The following NTRK3 variants were observed in gnomAD, a reference collection of about 807,000 sequenced individuals.
The protein encoded by NTRK3 is NT-3 growth factor receptor.
NTRK3 carries 24 observed loss-of-function variants against 91.7 expected under a neutral mutation model. The ratio of observed to expected loss-of-function variants is 0.26; its 90% CI spans 0.19 to 0.37. The LOEUF is 0.37. NTRK3 is among the 10% of genes least tolerant of loss of function. NTRK3 has a pLI of 1.00. For missense variants in NTRK3, 880 were observed against 1,068.9 expected, an observed-to-expected ratio of 0.82 and a Z score of 2.46; for synonymous variants, 483 against 404.0, an observed-to-expected ratio of 1.20 and a Z score of -2.34.
At chr15:88,021,678 C>A (rs2077605068) in intron 14 of NTRK3, among the ~76,000 whole-genome samples, 1 of 152,052 alleles carries the variant, frequency 6.6e-6, no homozygotes, top group South Asian at 2.1e-4. Context: ...GATGGAAGAG[C>A]AGTTGTACTC....
At chr15:88,150,710 T>C (rs1333893018) in intron 5 of NTRK3, among the ~76,000 whole-genome samples, 2 of 152,076 alleles carry the variant, frequency 1.3e-5, no homozygotes, top group Non-Finnish European at 2.9e-5. Flanking sequence ...CTGTACACAA[T>C]GCCCTGCCAG....
intron 13 of NTRK3, among the ~76,000 whole-genome samples, chr15:88,064,159 G>T (rs955745484): frequency 6.6e-6 from 1 of 152,122 alleles, no homozygotes; most frequent in African/African-American, 2.4e-5. Context: ...GAAATGTCTG[G>T]GCCACTGGAA....
At chr15:87,981,413 T>G in intron 14 of NTRK3, 5 of 1,612,854 alleles carry the variant, frequency 3.1e-6, no homozygotes, top group Non-Finnish European at 4.2e-6. Flanking sequence ...AAACCCCAAG[T>G]GCAAAAAACA....
intron 13 of NTRK3, among the ~76,000 whole-genome samples, chr15:88,121,266 G>C (rs2052673984): frequency 1.3e-5 from 2 of 152,170 alleles, no homozygotes; most frequent in Admixed American, 1.3e-4. Context: ...CCTGGTTATT[G>C]TTCTAATGAC....
intron 13 of NTRK3, among the ~76,000 whole-genome samples, chr15:88,089,459 C>A (rs2048809785): frequency 6.6e-6 from 1 of 152,126 alleles, no homozygotes; most frequent in Admixed American, 6.5e-5. Context: ...TCTAACATGG[C>A]AGATTAATTA....
intron 13 of NTRK3, among the ~76,000 whole-genome samples, chr15:88,116,073 T>C (rs1378008107): frequency 6.6e-6 from 1 of 152,168 alleles, no homozygotes; most frequent in Admixed American, 6.5e-5. Context: ...CCTGCTAGCC[T>C]CTCTGAGCTT....
chr15:88,184,728 CT>C (rs1227206964), intron 3 of NTRK3, among the ~76,000 whole-genome samples: 2 of 152,226 alleles, frequency 1.3e-5, no homozygotes, highest in African/African-American at 4.8e-5. Context: ...AATGACATGG[CT>C]TTAAAAAAGG....
intron 5 of NTRK3, among the ~76,000 whole-genome samples, chr15:88,182,912 CATTACACA>C (rs2046615751): frequency 6.6e-6 from 1 of 152,170 alleles, no homozygotes; most frequent in Non-Finnish European, 1.5e-5. Flanking sequence ...AGCTGTGTGA[CATTACACA>C]GGTGTTTCCA....
At chr15:88,094,439 G>A (rs888398032) in intron 13 of NTRK3, among the ~76,000 whole-genome samples, 4 of 131,354 alleles carry the variant, frequency 3.0e-5, no homozygotes, top group Middle Eastern at 5.4e-3. Context: ...ACTGCAGTCC[G>A]CAGTCCCGAC....
Position 88,254,824 on chromosome 15 carries a change from G to A in NTRK3, c.248+1082C>T, listed in dbSNP as rs747214661. Among the ~76,000 whole-genome samples the A allele has an allele frequency of 7.5e-4, 114 of 152,202 alleles. 1 individual carries two copies. The highest frequency in any genetic ancestry group is 5.4e-3 in the Admixed American group (83 of 15,288). On this transcript the variant is annotated intron_variant, in intron 3 of 18. Transcript: ENST00000394480. The stretch of plus-strand genomic sequence containing the variant: ...GGCTGGAAGCCTTGGGGGAAAAGAG[G>A]TGAGAATTATCCTCTGAGCAATTCC...
intron 13 of NTRK3, among the ~76,000 whole-genome samples, chr15:88,063,627 T>G (rs992415592): frequency 3.3e-5 from 5 of 152,166 alleles, no homozygotes; most frequent in African/African-American, 1.2e-4. Flanking sequence ...AGTGAGTGTG[T>G]CCATCACATC....
chr15:88,167,798 G>T (rs1017556695), intron 5 of NTRK3, among the ~76,000 whole-genome samples: 8 of 152,052 alleles, frequency 5.3e-5, no homozygotes, highest in African/African-American at 1.9e-4. Context: ...GTACCTGCAG[G>T]CTCTGGGCAC....
At chr15:88,163,128 C>T (rs920576881) in intron 5 of NTRK3, among the ~76,000 whole-genome samples, 2 of 152,156 alleles carry the variant, frequency 1.3e-5, no homozygotes, top group Admixed American at 1.3e-4. Context: ...CGGGTAGGTG[C>T]CCCTCCTCCA....
intron 14 of NTRK3, among the ~76,000 whole-genome samples, chr15:87,962,795 C>T (rs903844797): frequency 2.0e-5 from 3 of 152,188 alleles, no homozygotes; most frequent in Non-Finnish European, 4.4e-5. Flanking sequence ...GTACTACCTC[C>T]CAACCCTCAC....
At chr15:88,158,889 T>C (rs555559982) in intron 5 of NTRK3, among the ~76,000 whole-genome samples, 5 of 151,710 alleles carry the variant, frequency 3.3e-5, no homozygotes, top group African/African-American at 4.8e-5. Context: ...AGAGCTGTCA[T>C]GACAAGAGAA....
chr15:88,047,205 T>A (rs948384432), intron 13 of NTRK3, among the ~76,000 whole-genome samples: 4 of 152,354 alleles, frequency 2.6e-5, no homozygotes, highest in African/African-American at 9.6e-5. Context: ...AGCACGTGGC[T>A]GCTCATTGAA....
At chr15:88,173,065 G>A (rs1429686725) in intron 5 of NTRK3, among the ~76,000 whole-genome samples, 2 of 152,084 alleles carry the variant, frequency 1.3e-5, no homozygotes, top group African/African-American at 4.8e-5. Context: ...CACATTTGGG[G>A]TTCAATAACA....
chr15:88,055,376 C>T (rs2045588833), intron 13 of NTRK3, among the ~76,000 whole-genome samples: 1 of 152,164 alleles, frequency 6.6e-6, no homozygotes, highest in African/African-American at 2.4e-5. Flanking sequence ...AAGCACTTCC[C>T]AATTTTTGGA....
chr15:87,994,180 G>A (rs1050135561), intron 14 of NTRK3, among the ~76,000 whole-genome samples: 2 of 152,058 alleles, frequency 1.3e-5, no homozygotes, highest in East Asian at 1.9e-4. Flanking sequence ...GCTGGGGAGC[G>A]GGAGACATTC....
Sources: allele counts gnomAD v4.1 joint callset (sites outside exome capture counted in the v4.1 genomes callset), GRCh38; gene constraint gnomAD v4.1.1; transcripts MANE v1.5; gene names NCBI Gene and HGNC (gene_info 2026-07-23, HGNC 2026-07-21).